The following NEDD4L variants were observed in gnomAD, a reference collection of about 807,000 sequenced individuals.
NEDD4L encodes the protein NEDD4 like E3 ubiquitin protein ligase, also known as E3 ubiquitin-protein ligase NEDD4-like.
NEDD4L carries 54 observed loss-of-function variants against 148.9 expected under a neutral mutation model. The ratio of observed to expected loss-of-function variants is 0.36; its 90% CI spans 0.29 to 0.45. The LOEUF (loss-of-function observed/expected upper bound fraction) is 0.45. Among genes scored for constraint, NEDD4L ranks in the 20% least tolerant of loss-of-function variants. NEDD4L has a pLI of 1.00. For missense variants in NEDD4L, 856 were observed against 1,233.8 expected, an observed-to-expected ratio of 0.69 and a Z score of 4.59; for synonymous variants, 433 against 440.7, an observed-to-expected ratio of 0.98 and a Z score of 0.22.
chr18:58,059,310 T>A (rs888421602), intron 1 of NEDD4L, among the ~76,000 whole-genome samples: 1 of 152,158 alleles, frequency 6.6e-6, no homozygotes, highest in Non-Finnish European at 1.5e-5. Context: ...TGAAAAGACC[T>A]CTCCTCTCTA....
chr18:58,368,059 A>G (rs1009404309), intron 22 of NEDD4L, among the ~76,000 whole-genome samples, 192 bp downstream of exon 22: 3 of 152,216 alleles, frequency 2.0e-5, no homozygotes, highest in African/African-American at 7.2e-5. Context: ...GTGTCTACAC[A>G]CAGTTAAAAA....
At chr18:58,305,911 GT>G (rs1389162768) in intron 5 of NEDD4L, among the ~76,000 whole-genome samples, 2 of 152,168 alleles carry the variant, frequency 1.3e-5, no homozygotes, top group African/African-American at 2.4e-5. Context: ...TCAGGGAAAT[GT>G]TTTTATAACA....
At chr18:58,058,055 C>G (rs1280321088) in intron 1 of NEDD4L, among the ~76,000 whole-genome samples, 1 of 152,206 alleles carries the variant, frequency 6.6e-6, no homozygotes, top group Non-Finnish European at 1.5e-5. Context: ...CGCCTGTAAT[C>G]CCAGCACTTT....
At chr18:58,314,203 G>A (rs1238931858) in intron 5 of NEDD4L, among the ~76,000 whole-genome samples, 1 of 152,156 alleles carries the variant, frequency 6.6e-6, no homozygotes, top group East Asian at 1.9e-4. Context: ...GATCGTTGGA[G>A]GTCAGATGTT....
At chr18:58,320,307 C>T (rs2058666053) in intron 6 of NEDD4L, among the ~76,000 whole-genome samples, 1 of 152,180 alleles carries the variant, frequency 6.6e-6, no homozygotes, top group Non-Finnish European at 1.5e-5. Flanking sequence ...TATTGAACTC[C>T]ACATCCAAAA....
intron 1 of NEDD4L, among the ~76,000 whole-genome samples, chr18:58,093,267 A>G (rs774199722): frequency 1.8e-4 from 27 of 152,298 alleles, no homozygotes; most frequent in South Asian, 6.2e-4. Context: ...GACATCTAGC[A>G]TGGTGCATTT....
At chr18:58,159,537 A>C (rs994024292) in intron 1 of NEDD4L, among the ~76,000 whole-genome samples, 2 of 152,148 alleles carry the variant, frequency 1.3e-5, no homozygotes, top group African/African-American at 4.8e-5. Context: ...CTGTGACCCT[A>C]AAACTGCTCT....
chr18:58,066,218 C>T (rs1032761259), intron 1 of NEDD4L, among the ~76,000 whole-genome samples: 1 of 152,030 alleles, frequency 6.6e-6, no homozygotes, highest in Admixed American at 6.6e-5. Flanking sequence ...TTTTTGGAAG[C>T]GTCCATTTGT....
Position 58,113,567 on chromosome 18 carries a change from G to A in NEDD4L, c.49-52221G>A, listed in dbSNP as rs146458583. On this transcript the variant is annotated intron_variant, in intron 1 of 30. Transcript: ENST00000400345. ...TGTGGTGGCTGGAGGGGGTTTCCCA[G>A]GCAGGGACACTCTGGCAGGTTAGAG... Among the ~76,000 whole-genome samples, 397 of 152,266 alleles carry A rather than the reference G, an allele frequency of 2.6e-3. 4 individuals are homozygous for A. The highest frequency in any genetic ancestry group is 9.3e-3 in the African/African-American group (388 of 41,540).
intron 24 of NEDD4L, among the ~76,000 whole-genome samples, chr18:58,382,374 G>A (rs2048453817): frequency 1.3e-5 from 2 of 152,144 alleles, no homozygotes; most frequent in South Asian, 4.1e-4. Flanking sequence ...CCTCTCCCCT[G>A]GCTTGGTTTA....
intron 5 of NEDD4L, among the ~76,000 whole-genome samples, chr18:58,270,134 G>A (rs535739183): frequency 6.6e-6 from 1 of 152,194 alleles, no homozygotes; most frequent in Non-Finnish European, 1.5e-5. Flanking sequence ...TCTCCCTGCT[G>A]TAAATATTAA....
chr18:58,182,509 C>CTTTTTTT (rs568506761), intron 2 of NEDD4L, among the ~76,000 whole-genome samples: 2 of 111,424 alleles, frequency 1.8e-5, no homozygotes, highest in Non-Finnish European at 3.4e-5. Context: ...GCATTGATAC[C>CTTTTTTT]TTTTTTTTTT....
chr18:58,165,950 G>T, intron 2 of NEDD4L, 89 bp downstream of exon 2: 1 of 1,029,212 alleles, frequency 9.7e-7, no homozygotes, highest in Non-Finnish European at 1.5e-6. Flanking sequence ...TCACCTGGAG[G>T]ACTTCTTAAG....
intron 2 of NEDD4L, among the ~76,000 whole-genome samples, chr18:58,183,590 T>C (rs1171923671): frequency 6.6e-6 from 1 of 152,194 alleles, no homozygotes; most frequent in Non-Finnish European, 1.5e-5. Flanking sequence ...GAGATAGCTT[T>C]TCATGTTGCA....
At chr18:58,218,248 A>G (rs2043353654) in intron 2 of NEDD4L, among the ~76,000 whole-genome samples, 1 of 152,178 alleles carries the variant, frequency 6.6e-6, no homozygotes. Context: ...TCATAAAACC[A>G]CACCCTAAAA....
chr18:58,350,604 A>G (rs1336806155), intron 17 of NEDD4L, among the ~76,000 whole-genome samples: 2 of 152,232 alleles, frequency 1.3e-5, no homozygotes, highest in Non-Finnish European at 2.9e-5. Flanking sequence ...CAACACAAAT[A>G]CAGTTAACCA....
At chr18:58,314,553 C>T (rs1361147524) in intron 5 of NEDD4L, 1 of 152,218 alleles carries the variant, frequency 6.6e-6, no homozygotes, top group Non-Finnish European at 1.5e-5. Flanking sequence ...GCAAGGCTGT[C>T]ATTATTCTCA....
chr18:58,360,393 C>T (rs2045311684), intron 19 of NEDD4L, among the ~76,000 whole-genome samples: 1 of 152,214 alleles, frequency 6.6e-6, no homozygotes, highest in Non-Finnish European at 1.5e-5. Context: ...TTCTGTCTCT[C>T]ACTGCTGTAT....
chr18:58,316,174 T>C (rs2058239091), intron 6 of NEDD4L, 142 bp downstream of exon 6: 2 of 715,932 alleles, frequency 2.8e-6, no homozygotes, highest in South Asian at 3.7e-5. Context: ...CCTTAGTCCT[T>C]TCTGGAAAGT....
Sources: gnomAD v4.1 joint callset for allele counts (sites outside exome capture counted in the v4.1 genomes callset) on GRCh38, gnomAD v4.1.1 for gene constraint, MANE v1.5 for transcripts, NCBI Gene and HGNC (gene_info 2026-07-23, HGNC 2026-07-21) for gene names.